Variants in GABRR3 observed in about 807,000 individuals in gnomAD.
The protein encoded by GABRR3 is gamma-aminobutyric acid receptor subunit rho-3.
A neutral mutation model predicts 43.2 loss-of-function variants in GABRR3; 29 were observed. That is an observed-to-expected ratio of 0.67 (90% CI 0.50 to 0.92). GABRR3 has a LOEUF of 0.92. GABRR3 is among the 40% of genes least tolerant of loss of function. The pLI, the probability that GABRR3 is intolerant of heterozygous loss-of-function variation, is 0.00. For synonymous variants in GABRR3, 206 were observed against 195.9 expected, an observed-to-expected ratio of 1.05 and a Z score of -0.43; for missense variants, 576 against 572.3, an observed-to-expected ratio of 1.01 and a Z score of -0.07.
At position 98,007,765 on chromosome 3, in the gene GABRR3, T is replaced by A. The variant is rs540290231; in HGVS notation, c.753A>T (p.Thr251=). ...AATCACCCATGTAAAATGCTGTACC[T>A]GTGCTGCTATAGAAAGCTAATCCAC... The change falls in exon 7 of 10, where the codon ACA becomes ACT. Residue 251 remains threonine, a splice_region_variant and synonymous_variant. Coordinates refer to ENST00000621172, the Ensembl canonical transcript of GABRR3. 6.2e-6 allele frequency: 10 copies of A among 1,613,654 alleles called. No homozygotes were observed. The African/African-American group carries it at 1.3e-4, about 21-fold the overall frequency.
intron 3 of GABRR3, among the ~76,000 whole-genome samples, chr3:98,024,314 G>A (rs1348067636): frequency 1.4e-5 from 2 of 145,316 alleles, no homozygotes; most frequent in South Asian, 4.3e-4. Context: ...AGCCGAGATC[G>A]CGCCACTGCA....
At chr3:98,012,404 G>A (rs1230796684) in exon 5 of GABRR3, 2 of 1,613,816 alleles carry the variant, frequency 1.2e-6, no homozygotes, top group South Asian at 2.2e-5. Context: ...CTCCATAGTT[G>A]TATCATGGAT....
intron 8 of GABRR3, among the ~76,000 whole-genome samples, chr3:97,995,581 T>A (rs832098): frequency 0.54 from 81,130 of 151,156 alleles, 21,858 homozygotes; most frequent in African/African-American, 0.58. Context: ...GCATTCTAAA[T>A]TTTCCTTCTT....
At chr3:97,987,517 T>G (rs948170815) in intron 9 of GABRR3, among the ~76,000 whole-genome samples, 3 of 152,226 alleles carry the variant, frequency 2.0e-5, no homozygotes, top group Non-Finnish European at 4.4e-5. Context: ...ACAAAATCAC[T>G]TCTTGATTCA....
chr3:97,989,522 G>A (rs547437044), intron 9 of GABRR3, among the ~76,000 whole-genome samples: 3 of 151,912 alleles, frequency 2.0e-5, no homozygotes, highest in African/African-American at 7.3e-5. Flanking sequence ...GGTGGTGGAT[G>A]GTAGTAGTAA....
chr3:98,014,258 A>G (rs780661954), intron 4 of GABRR3, among the ~76,000 whole-genome samples: 10 of 152,234 alleles, frequency 6.6e-5, no homozygotes, highest in Non-Finnish European at 1.2e-4. Flanking sequence ...AGGACTTTAG[A>G]TGCAAACTGG....
chr3:98,027,871 T>C (rs949264751), intron 2 of GABRR3, among the ~76,000 whole-genome samples: 1 of 152,154 alleles, frequency 6.6e-6, no homozygotes, highest in East Asian at 1.9e-4. Flanking sequence ...CCAGTGAATC[T>C]AAATATACAC....
At chr3:98,032,923 T>G (rs60564698) in intron 2 of GABRR3, among the ~76,000 whole-genome samples, 29 of 152,252 alleles carry the variant, frequency 1.9e-4, no homozygotes, top group African/African-American at 6.7e-4. Flanking sequence ...TCAGGTCGGG[T>G]GCTGGGCAAA....
intron 3 of GABRR3, among the ~76,000 whole-genome samples, chr3:98,018,130 T>C (rs948854280): frequency 6.6e-6 from 1 of 152,080 alleles, no homozygotes. Flanking sequence ...ATGGTAATGG[T>C]CATATCTCAT....
At chr3:98,030,965 C>T (rs115107625) in intron 2 of GABRR3, among the ~76,000 whole-genome samples, 16 of 152,174 alleles carry the variant, frequency 1.1e-4, no homozygotes, top group African/African-American at 2.4e-4. Context: ...TTTTTCATCA[C>T]GAAGAAAACC....
chr3:98,011,163 A>T (rs1706785917), intron 5 of GABRR3, among the ~76,000 whole-genome samples: 7 of 152,168 alleles, frequency 4.6e-5, no homozygotes, highest in Admixed American at 3.9e-4. Flanking sequence ...TTTTAAGAAC[A>T]TTGACAGCAC....
chr3:98,000,509 TC>T (rs1420875957), intron 8 of GABRR3: 1 of 152,172 alleles, frequency 6.6e-6, no homozygotes, highest in Admixed American at 6.6e-5. Context: ...AATTACTTAT[TC>T]AGATGGTATT....
intron 5 of GABRR3, among the ~76,000 whole-genome samples, chr3:98,011,112 C>T (rs1706784999): frequency 6.6e-6 from 1 of 152,086 alleles, no homozygotes; most frequent in African/African-American, 2.4e-5. Flanking sequence ...CCCCAACCCC[C>T]CCAAAAAACC....
At chr3:98,003,759 G>A (rs903073076) in intron 7 of GABRR3, among the ~76,000 whole-genome samples, 2 of 152,174 alleles carry the variant, frequency 1.3e-5, no homozygotes, top group Middle Eastern at 3.4e-3. Flanking sequence ...TCCTACGACA[G>A]GCAGCCTTCA....
In GABRR3 at chr3:98,009,243, A is replaced by G. The variant is rs976469082; in HGVS notation, c.531-205T>C. 7.9e-5 allele frequency among the ~76,000 whole-genome samples: 12 copies of G among 152,224 alleles called. 1 individual carries two copies. Among genetic ancestry groups the G allele is most frequent in the Admixed American group, 3.3e-4 (5 of 15,282 alleles). On this transcript the variant is annotated intron_variant, in intron 5 of 9. Transcript: ENST00000621172. ...ATGATTTTCTTAAGACACAGAGTCA[A>G]TGAGTGAATTCAGCTCTCATACCTT...
intron 8 of GABRR3, among the ~76,000 whole-genome samples, chr3:97,995,653 G>A (rs368127913): frequency 5.4e-4 from 82 of 151,810 alleles, no homozygotes; most frequent in African/African-American, 1.9e-3. Flanking sequence ...TTGGGTAGGG[G>A]GAGTGAATGA....
At chr3:98,031,589 A>G (rs1242478219) in intron 2 of GABRR3, among the ~76,000 whole-genome samples, 1 of 152,066 alleles carries the variant, frequency 6.6e-6, no homozygotes, top group African/African-American at 2.4e-5. Context: ...TACCAAAAAA[A>G]TATAAAAGCC....
intron 8 of GABRR3, among the ~76,000 whole-genome samples, chr3:97,994,746 A>G (rs1326426679): frequency 6.6e-6 from 1 of 152,218 alleles, no homozygotes; most frequent in African/African-American, 2.4e-5. Context: ...ATAACAGAAA[A>G]CAAATAGAAG....
chr3:98,007,563 C>T (rs1706736711), intron 7 of GABRR3, among the ~76,000 whole-genome samples: 1 of 152,162 alleles, frequency 6.6e-6, no homozygotes, highest in African/African-American at 2.4e-5. Context: ...GGAAGCAAGG[C>T]ATCTAGTTAG....
Sources: gnomAD v4.1 joint callset for allele counts (sites outside exome capture counted in the v4.1 genomes callset) on GRCh38, gnomAD v4.1.1 for gene constraint, MANE v1.5 for transcripts, NCBI Gene and HGNC (gene_info 2026-07-23, HGNC 2026-07-21) for gene names.